The following CES1 variants were observed in gnomAD, a reference collection of about 807,000 sequenced individuals.
CES1 encodes liver carboxylesterase 1.
A neutral mutation model predicts 53.0 loss-of-function variants in CES1; 50 were observed. The observed-to-expected ratio is 0.94, with a 90% CI of 0.75 to 1.19. CES1 has a LOEUF of 1.19. CES1 is among the 50% of genes most tolerant of loss of function. CES1 has a pLI of 0.00. For synonymous variants in CES1, 202 were observed against 210.1 expected (o/e 0.96, Z 0.33); for missense variants, 534 against 538.0 (o/e 0.99, Z 0.07).
Position 55,810,643 on chromosome 16 carries a change from G to A in CES1, c.1192C>T (p.Pro398Ser). 6.2e-7 allele frequency: 1 copy of A among 1,614,138 alleles called. No homozygotes were observed. Among genetic ancestry groups the A allele is most frequent in the Non-Finnish European group, 8.5e-7 (1 of 1,180,022 alleles). The part of the protein sequence containing the change: ...PLVCIAKELI[P>S]EATEKYLGGT... ...CCTAAGTATTTCTCAGTGGCTTCTGGAATCAGTTCCTTAGCAATGCACTGA... is the reference window on the plus strand; with the variant it reads ...CCTAAGTATTTCTCAGTGGCTTCTGAAATCAGTTCCTTAGCAATGCACTGA... The change falls in exon 11 of 14, where the codon CCA (proline) becomes TCA (serine). Residue 398 changes from proline to serine, a missense_variant. Around this residue, in one of 5 missense-constraint regions of CES1, gnomAD observed 269 missense variants for 206.6 expected, o/e 1.30. Coordinates refer to ENST00000360526, the MANE Select transcript of CES1 (RefSeq NM_001025195.2).
intron 8 of CES1, among the ~76,000 whole-genome samples, chr16:55,814,667 C>A (rs1352230160): frequency 2.0e-5 from 3 of 152,236 alleles, no homozygotes; most frequent in African/African-American, 7.2e-5. Context: ...GGAATCTTCC[C>A]AGTTCCACGC....
Position 55,828,190 on chromosome 16 carries a change from GGCTTTTCT to G in CES1, c.260+569_260+576del. The stretch of plus-strand genomic sequence containing the variant: ...ATGGTGAGGCCAATTAGAACCTTTG[GGCTTTTCT>G]TCCCAGCTTGGCCAGGGTGAATGGA... On this transcript the variant is annotated intron_variant, in intron 2 of 13. Transcript: ENST00000360526. 5 of 189,234 alleles carry G rather than the reference GGCTTTTCT, an allele frequency of 2.6e-5. No individual in the cohort carries two copies. In the South Asian group the frequency reaches 3.1e-4, roughly 12 times the overall value. The allele number at this position is 189,234 out of a possible 1,614,324, so 11.7% of individuals were successfully genotyped here. A position where few individuals can be genotyped will look rare whatever the true frequency, so the allele number is the denominator to read the frequency against.
intron 2 of CES1, among the ~76,000 whole-genome samples, chr16:55,828,447 C>G (rs2032501165): frequency 6.6e-6 from 1 of 152,208 alleles, no homozygotes; most frequent in African/African-American, 2.4e-5. Flanking sequence ...TCTATCATAT[C>G]ACATAATCCA....
intron 8 of CES1, 48 bp from the exon 9 acceptor site, chr16:55,813,091 C>T (rs767076924): frequency 6.2e-7 from 1 of 1,611,700 alleles, no homozygotes; most frequent in East Asian, 2.2e-5. Flanking sequence ...CTAGTCACAC[C>T]CATGTCCCCA....
chr16:55,820,104 T>G, intron 6 of CES1: 1 of 593,652 alleles, frequency 1.7e-6, no homozygotes, highest in South Asian at 2.0e-5. Context: ...TACTGGCTGC[T>G]AGGGCCATGA....
intron 1 of CES1, among the ~76,000 whole-genome samples, chr16:55,830,815 AAGGAAGGC>A (rs1381909059): frequency 2.2e-4 from 27 of 123,714 alleles, no homozygotes; most frequent in East Asian, 5.7e-4. Flanking sequence ...GGAAGGAAGG[AAGGAAGGC>A]AGGCAGGCAG....
At position 55,821,491 on chromosome 16, in the gene CES1, C is replaced by T; in HGVS notation, c.570G>A (p.Trp190Ter). The part of the protein sequence containing the change: ...STGDEHSRGN[W>*]GHLDQVAALR... ...GGGCAGCCACCTGGTCCAGGTGACC[C>T]CAGTTCCCCCGGCTGTGTTCATCCC... The change falls in exon 5 of 14, where the codon TGG (tryptophan) becomes TGA (stop). Residue 190 changes from tryptophan to a stop codon, truncating the protein, a stop_gained. Transcript: ENST00000360526. LOFTEE classifies it high-confidence loss of function. 2 of 1,614,200 alleles carry T rather than the reference C, an allele frequency of 1.2e-6. No homozygotes were observed. Among genetic ancestry groups the T allele is most frequent in the East Asian group, 2.2e-5 (1 of 44,884 alleles).
intron 9 of CES1, among the ~76,000 whole-genome samples, chr16:55,811,523 A>G (rs1432776256): frequency 1.3e-5 from 2 of 151,658 alleles, no homozygotes; most frequent in Admixed American, 6.6e-5. Flanking sequence ...GCACATAACA[A>G]CTCTTCCCAA....
At chr16:55,810,693 C>T (rs752376454) in intron 10 of CES1, 29 bp from the exon 11 acceptor site, 1 of 1,612,972 alleles carries the variant, frequency 6.2e-7, no homozygotes, top group African/African-American at 1.3e-5. Flanking sequence ...TGACCACCAG[C>T]CCCGGGTGAG....
In CES1 at chr16:55,810,570, A is replaced by T. The variant is rs748876242; in HGVS notation, c.1265T>A (p.Ile422Lys). 1 of 1,614,212 alleles carries T rather than the reference A, an allele frequency of 6.2e-7. No individual in the cohort carries two copies. Among genetic ancestry groups the T allele is most frequent in the South Asian group, 1.1e-5 (1 of 91,080 alleles). ...VKKKDLFLDLIADVMFGVPSV... is the reference protein window; with the variant it reads ...VKKKDLFLDLKADVMFGVPSV... ...TGGGACACCAAACATCACATCTGCT[A>T]TCAAGTCCAGGAACAGGTCTTTCTT... Residue 422 changes from isoleucine to lysine, a missense_variant, in exon 11 of 14, where the codon ATA (isoleucine) becomes AAA (lysine). By Grantham distance (102) the Ile-to-Lys change is moderately radical. This residue lies in a region of CES1 where 269 missense variants were observed against 206.6 expected (regional missense o/e 1.30). Transcript: ENST00000360526.
intron 9 of CES1, 83 bp from the exon 10 acceptor site, chr16:55,811,093 G>A (rs1281169741): frequency 8.6e-7 from 1 of 1,166,008 alleles, no homozygotes; most frequent in Non-Finnish European, 1.3e-6. Flanking sequence ...CCAAACCAAT[G>A]CAGTCTGAAA....
Position 55,821,428 on chromosome 16 carries a change from C to T in CES1, c.633G>A (p.Gly211=). ...CAAAGATGGTCACAGAGCCTGGGTT[C>T]CCTCCAAAGCTGGCAATGTTGTCCT... is the stretch of plus-strand genomic sequence containing the variant. ...WVQDNIASFG[G]NPGSVTIFGE... is the part of the protein sequence containing the mutation. The change falls in exon 5 of 14, where the codon GGG becomes GGA. Residue 211 remains glycine (G), a synonymous_variant. Coordinates refer to ENST00000360526, the MANE Select transcript of CES1 (RefSeq NM_001025195.2). 6.2e-7 allele frequency: 1 copy of T among 1,614,176 alleles called. No homozygotes were observed. Among genetic ancestry groups the T allele is most frequent in the Non-Finnish European group, 8.5e-7 (1 of 1,180,030 alleles).
At position 55,823,565 on chromosome 16, in the gene CES1, A is replaced by G. The variant is rs751365501; in HGVS notation, c.524T>C (p.Ile175Thr). The change falls in exon 4 of 14, where the codon ATC becomes ACC. Residue 175 changes from isoleucine (I) to threonine (T), a missense_variant. This residue lies in a region of CES1 where 85 missense variants were observed against 81.9 expected (regional missense o/e 1.04). Transcript: ENST00000360526. ...GATTTCTTACCTGAAGAATCCCCAGATGCCCAGGCGATATTGAATGGTCAC... is the reference window on the plus strand; with the variant it reads ...GATTTCTTACCTGAAGAATCCCCAGGTGCCCAGGCGATATTGAATGGTCAC... ...VVVTIQYRLG[I>T]WGFFSTGDEH... 2.8e-4 allele frequency: 449 copies of G among 1,612,842 alleles called. No homozygotes were observed. In the African/African-American group the frequency reaches 5.7e-3, roughly 21 times the overall value.
Position 55,820,185 on chromosome 16 carries a change from G to T in CES1, c.801+187C>A, listed in dbSNP as rs186291666. 4.1e-3 allele frequency: 2,390 copies of T among 582,218 alleles called. 42 individuals are homozygous for T. In the African/African-American group the frequency reaches 0.041, roughly 10 times the overall value. 36.1% of individuals were successfully genotyped at this position (582,218 alleles called of 1,614,324 possible). On this transcript the variant is annotated intron_variant, in intron 6 of 13. Transcript: ENST00000360526. ...TCCCTTCCAAGCCCTGTGTCGGTTT[G>T]CCTGGCTGTGAAACTGGGACGCTGA... is the stretch of plus-strand genomic sequence containing the variant.
intron 8 of CES1, among the ~76,000 whole-genome samples, chr16:55,814,207 A>G (rs879383190): frequency 2.6e-5 from 4 of 152,232 alleles, no homozygotes; most frequent in Non-Finnish European, 4.4e-5. Flanking sequence ...CATGAGTAAA[A>G]GAATCAGTGA....
intron 10 of CES1, 47 bp from the exon 11 acceptor site, chr16:55,810,711 G>C (rs1256245449): frequency 1.9e-6 from 3 of 1,603,938 alleles, no homozygotes; most frequent in East Asian, 2.2e-5. Context: ...GAGCGATGCA[G>C]CTTCTCCAGC....
intron 1 of CES1, among the ~76,000 whole-genome samples, chr16:55,830,914 G>T (rs2032639081): frequency 6.6e-6 from 1 of 152,148 alleles, no homozygotes; most frequent in Non-Finnish European, 1.5e-5. Flanking sequence ...CTGACCAGAG[G>T]TGGGGGAAAT....
rs766148663 is a variant in CES1, at chr16:55,812,854, G to A, written c.1086+49C>T. The A allele has an allele frequency of 5.0e-6, 8 of 1,612,202 alleles. No homozygotes were observed. The Admixed American group carries it at 6.7e-5, about 13-fold the overall frequency. The stretch of plus-strand genomic sequence containing the variant: ...AGCATTCCTGGGACCAGAGACAGGA[G>A]GGCTGATGGGGGTGGTTGAGTCCCT... On this transcript the variant is annotated intron_variant, in intron 9 of 13. Transcript: ENST00000360526.
intron 4 of CES1, among the ~76,000 whole-genome samples, chr16:55,822,884 G>A (rs2032259283): frequency 6.6e-6 from 1 of 152,116 alleles, no homozygotes; most frequent in Admixed American, 6.5e-5. Flanking sequence ...TGTTCAGGAA[G>A]AAACCTGACT....
Sources: gnomAD v4.1 joint callset for allele counts (sites outside exome capture counted in the v4.1 genomes callset) on GRCh38, gnomAD v4.1.1 for gene constraint, gnomAD v4.1.1 regional missense constraint, MANE v1.5 for transcripts, NCBI Gene and HGNC (gene_info 2026-07-23, HGNC 2026-07-21) for gene names.